Variants in FBLN7 observed in about 807,000 individuals in gnomAD.
FBLN7 encodes the protein fibulin-7.
A neutral mutation model predicts 44.0 loss-of-function variants in FBLN7; 31 were observed. The observed-to-expected ratio is 0.70, with a 90% CI of 0.53 to 0.95. FBLN7 has a LOEUF of 0.95. FBLN7 is among the 40% of genes least tolerant of loss of function. The pLI is 0.00. For missense variants in FBLN7, 573 were observed against 618.5 expected, an observed-to-expected ratio of 0.93 and a Z score of 0.78; for synonymous variants, 262 against 253.4, an observed-to-expected ratio of 1.03 and a Z score of -0.32.
At chr2:112,211,239 C>A in the FBLN7 span, among the ~76,000 whole-genome samples, 1 of 152,282 alleles carries the variant, frequency 6.6e-6, no homozygotes, top group South Asian at 2.1e-4. Flanking sequence ...TTTTTAGAGT[C>A]AAAATCAACT....
intron 4 of FBLN7, among the ~76,000 whole-genome samples, chr2:112,178,543 C>T (rs75842303): frequency 6.6e-6 from 1 of 152,060 alleles, no homozygotes; most frequent in Admixed American, 6.5e-5. Flanking sequence ...GGCAGAGACA[C>T]AACAAAAAAA....
chr2:112,215,722 T>G, the FBLN7 span: 1 of 152,166 alleles, frequency 6.6e-6, no homozygotes, highest in African/African-American at 2.4e-5. Context: ...AACATTAGTA[T>G]TTGAATCTTG....
At chr2:112,181,911 C>A in intron 5 of FBLN7, 35 bp downstream of exon 5, 4 of 1,525,554 alleles carry the variant, frequency 2.6e-6, no homozygotes, top group Non-Finnish European at 3.5e-6. Context: ...CTGGGGACAG[C>A]ACGGGGAGGA....
chr2:112,157,179 G>T (rs1681474511), intron 1 of FBLN7, among the ~76,000 whole-genome samples: 1 of 152,166 alleles, frequency 6.6e-6, no homozygotes, highest in Non-Finnish European at 1.5e-5. Context: ...AGACCAGCCT[G>T]GGCAACATGG....
At chr2:112,190,949 C>G (rs1573848053), downstream of FBLN7, among the ~76,000 whole-genome samples, 3 of 152,200 alleles carry the variant, frequency 2.0e-5, no homozygotes, top group South Asian at 6.2e-4. Flanking sequence ...CAATTTAATT[C>G]AGGACTACTG....
chr2:112,205,447 A>G, the FBLN7 span, among the ~76,000 whole-genome samples: 1 of 151,634 alleles, frequency 6.6e-6, no homozygotes, highest in African/African-American at 2.4e-5. Flanking sequence ...CCAAAATACT[A>G]TAGAGAAATA....
the FBLN7 span, among the ~76,000 whole-genome samples, chr2:112,243,626 A>G: frequency 8.0e-6 from 1 of 124,636 alleles, no homozygotes; most frequent in African/African-American, 3.2e-5. Flanking sequence ...AAAAACAATT[A>G]TTATTATGTA....
At chr2:112,232,208 C>A in the FBLN7 span, among the ~76,000 whole-genome samples, 1 of 150,778 alleles carries the variant, frequency 6.6e-6, no homozygotes, top group South Asian at 2.1e-4. Flanking sequence ...CCCAGCTACT[C>A]AGGAGGCTGA....
chr2:112,239,245 A>T, the FBLN7 span, among the ~76,000 whole-genome samples: 1 of 152,220 alleles, frequency 6.6e-6, no homozygotes, highest in Non-Finnish European at 1.5e-5. Context: ...TCTGCATAAA[A>T]ATTTTCAGGT....
the FBLN7 span, among the ~76,000 whole-genome samples, chr2:112,220,081 T>C: frequency 6.6e-6 from 1 of 152,202 alleles, no homozygotes; most frequent in Non-Finnish European, 1.5e-5. Flanking sequence ...CAGCATACCA[T>C]TGGGTTTTGT....
intron 1 of FBLN7, among the ~76,000 whole-genome samples, chr2:112,142,298 C>T (rs1477737334): frequency 6.6e-6 from 1 of 152,174 alleles, no homozygotes; most frequent in African/African-American, 2.4e-5. Context: ...CCTCTCTCTG[C>T]CCCTGTATTT....
At chr2:112,236,809 G>A in the FBLN7 span, 1 of 974,714 alleles carries the variant, frequency 1.0e-6, no homozygotes, top group Non-Finnish European at 1.5e-6. Context: ...CTCTTTGGGA[G>A]GCTGAGGCAG....
chr2:112,244,555 C>CA, the FBLN7 span, among the ~76,000 whole-genome samples: 1 of 152,180 alleles, frequency 6.6e-6, no homozygotes, highest in African/African-American at 2.4e-5. Context: ...CTGTGTGTCA[C>CA]AAATAACACA....
chr2:112,189,077 A>G (rs577052306), downstream of FBLN7: 1 of 152,330 alleles, frequency 6.6e-6, no homozygotes, highest in East Asian at 1.9e-4. Context: ...CACACACATC[A>G]TATGTGAGAT....
intron 1 of FBLN7, among the ~76,000 whole-genome samples, chr2:112,149,237 C>G (rs947774194): frequency 2.8e-4 from 42 of 152,240 alleles, no homozygotes; most frequent in Admixed American, 7.8e-4. Context: ...CATTTCTGGC[C>G]CTGGGGGCAT....
chr2:112,208,303 A>C, the FBLN7 span, among the ~76,000 whole-genome samples: 82 of 152,322 alleles, frequency 5.4e-4, no homozygotes, highest in African/African-American at 1.9e-3. Flanking sequence ...CGGGAGGCAA[A>C]GGCAGGAGAA....
chr2:112,167,240 T>G (rs1288720928), intron 3 of FBLN7, among the ~76,000 whole-genome samples: 1 of 152,236 alleles, frequency 6.6e-6, no homozygotes, highest in Non-Finnish European at 1.5e-5. Flanking sequence ...TCAGAGATGA[T>G]AGCAGAAAGA....
intron 1 of FBLN7, among the ~76,000 whole-genome samples, chr2:112,156,210 A>G (rs1218158006): frequency 6.6e-6 from 1 of 152,150 alleles, no homozygotes. Flanking sequence ...AAATTCATCA[A>G]TAAGATCATT....
At chr2:112,197,268 CACACACAGAGAG>C in the FBLN7 span, among the ~76,000 whole-genome samples, 13 of 128,874 alleles carry the variant, frequency 1.0e-4, no homozygotes, top group South Asian at 8.1e-4. Flanking sequence ...CACACACACA[CACACACAGAGAG>C]AGAGAGAGAG....
Sources: allele counts gnomAD v4.1 joint callset (sites outside exome capture counted in the v4.1 genomes callset), GRCh38; gene constraint gnomAD v4.1.1; transcripts MANE v1.5; gene names NCBI Gene and HGNC (gene_info 2026-07-23, HGNC 2026-07-21).